The following SCNN1G variants were observed in gnomAD, a reference collection of about 807,000 sequenced individuals.
SCNN1G encodes the protein epithelial sodium channel subunit gamma.
In SCNN1G, 27 loss-of-function variants were observed where a neutral mutation model predicts 64.6. That is an observed-to-expected ratio of 0.42 (90% CI 0.31 to 0.58). The LOEUF (loss-of-function observed/expected upper bound fraction) is 0.58. Ranked by LOEUF, SCNN1G falls within the 20% of genes least tolerant of loss-of-function variation. SCNN1G has a pLI of 0.18. For missense variants in SCNN1G, 743 were observed against 823.4 expected (o/e 0.90, Z 1.19); for synonymous variants, 330 against 314.2 (o/e 1.05, Z -0.53).
At chr16:23,198,558 C>T (rs185339370) in intron 6 of SCNN1G, among the ~76,000 whole-genome samples, 17 of 152,036 alleles carry the variant, frequency 1.1e-4, no homozygotes, top group African/African-American at 3.9e-4. Context: ...TAGCAAAACC[C>T]CATCTCTACC....
In SCNN1G at chr16:23,197,312, T is replaced by C; in HGVS notation, c.962T>C (p.Leu321Pro). The C allele has an allele frequency of 6.2e-7, 1 of 1,613,966 alleles. No individual in the cohort carries two copies. Among genetic ancestry groups the C allele is most frequent in the Non-Finnish European group, 8.5e-7 (1 of 1,179,834 alleles). Residue 321 changes from leucine to proline, a missense_variant, in exon 6 of 13, where the codon CTC (leucine) becomes CCC (proline). Coordinates refer to ENST00000300061, the MANE Select transcript of SCNN1G (RefSeq NM_001039.4). ...YINEEEYNPF[L>P]VSSTGAKVII... Reference sequence around the variant, plus strand: ...AACGAAGAGGAATACAACCCATTCCTCGTGTCCTCCACTGGAGCTAAGGTG... The same window carrying C: ...AACGAAGAGGAATACAACCCATTCCCCGTGTCCTCCACTGGAGCTAAGGTG...
At chr16:23,208,430 G>C (rs1256441229) in intron 6 of SCNN1G, among the ~76,000 whole-genome samples, 2 of 152,002 alleles carry the variant, frequency 1.3e-5, no homozygotes, top group Non-Finnish European at 2.9e-5. Flanking sequence ...TCATGATCAG[G>C]GTAGCATTCT....
intron 5 of SCNN1G, among the ~76,000 whole-genome samples, chr16:23,194,641 G>A (rs1021365309): frequency 6.6e-6 from 1 of 152,170 alleles, no homozygotes; most frequent in Non-Finnish European, 1.5e-5. Context: ...GGAAGTAGAC[G>A]CACATTTATC....
chr16:23,193,771 G>A (rs1401059264), intron 4 of SCNN1G, among the ~76,000 whole-genome samples: 1 of 151,034 alleles, frequency 6.6e-6, no homozygotes. Flanking sequence ...GTCTCCCTAA[G>A]AGTTGGGTTC....
chr16:23,207,382 G>A (rs1960007618), intron 6 of SCNN1G, among the ~76,000 whole-genome samples: 1 of 152,208 alleles, frequency 6.6e-6, no homozygotes, highest in Non-Finnish European at 1.5e-5. Context: ...TTCTGCCCAG[G>A]GATCCTGCTG....
chr16:23,212,833 T>G lies in SCNN1G; in HGVS notation c.1374-4T>G. On this transcript the variant is annotated splice_polypyrimidine_tract_variant and splice_region_variant and intron_variant, in intron 9 of 12. Transcript: ENST00000300061. The stretch of plus-strand genomic sequence containing the variant: ...TACACTCATGCTGTCCCCTCCTCCC[T>G]TAGCTTTAAAGAGTGGACACTAACC... 1 of 1,614,156 alleles carries G rather than the reference T, an allele frequency of 6.2e-7. No individual in the cohort carries two copies. Among genetic ancestry groups the G allele is most frequent in the Non-Finnish European group, 8.5e-7 (1 of 1,179,978 alleles).
intron 6 of SCNN1G, among the ~76,000 whole-genome samples, chr16:23,207,119 T>C (rs936912302): frequency 2.6e-5 from 4 of 152,192 alleles, no homozygotes; most frequent in African/African-American, 7.2e-5. Context: ...TGAAGGGCCA[T>C]TGAGTACTCA....
rs537167253 is a variant in SCNN1G, at chr16:23,215,560, C to T, written c.*91C>T. On this transcript the variant is annotated 3_prime_UTR_variant, in exon 13 of 13. Transcript: ENST00000300061. ...CCCCCAGACGTGTGCACAGGGGACC[C>T]TCTGCCCCACTCTGGGCTTTTCAGA... 442 of 1,467,874 alleles carry T rather than the reference C, an allele frequency of 3.0e-4. 11 individuals carry two copies. The South Asian group carries it at 4.9e-3, about 16-fold the overall frequency. The allele number at this position is 1,467,874 out of a possible 1,614,324, so 90.9% of individuals were successfully genotyped here.
intron 4 of SCNN1G, among the ~76,000 whole-genome samples, 176 bp from the exon 5 acceptor site, chr16:23,193,995 G>A (rs970100260): frequency 6.6e-6 from 1 of 152,164 alleles, no homozygotes; most frequent in African/African-American, 2.4e-5. Context: ...GTCCATGTGT[G>A]TCAACCAGGA....
chr16:23,200,881 G>A (rs1959877515), intron 6 of SCNN1G, among the ~76,000 whole-genome samples: 1 of 152,154 alleles, frequency 6.6e-6, no homozygotes, highest in African/African-American at 2.4e-5. Context: ...GGGCTTCACT[G>A]CCTCATGGTG....
Position 23,183,384 on chromosome 16 carries a change from A to T in SCNN1G, c.-45+571A>T, listed in dbSNP as rs537988024. 6.6e-5 allele frequency among the ~76,000 whole-genome samples: 10 copies of T among 152,174 alleles called. No individual in the cohort carries two copies. The South Asian group carries it at 2.1e-3, about 32-fold the overall frequency. On this transcript the variant is annotated intron_variant, in intron 1 of 12. Transcript: ENST00000300061. ...AGGGCCCTGAGGTTGAGTTCAAGTG[A>T]TTTCTGCACAGGACTCGCCCTTCGG...
In SCNN1G at chr16:23,215,471, G is replaced by A; in HGVS notation, c.*2G>A. 6.8e-6 allele frequency: 11 copies of A among 1,607,080 alleles called. No homozygotes were observed. The highest frequency in any genetic ancestry group is 1.1e-5 in the South Asian group (1 of 91,086). ...ACCCAGATGCTGGATGAGCTCTGAG[G>A]CAGGGTTGAGAAGACAGATCTAGTC... On this transcript the variant is annotated 3_prime_UTR_variant, in exon 13 of 13. Transcript: ENST00000300061.
At chr16:23,188,838 T>C (rs1959656456) in intron 2 of SCNN1G, among the ~76,000 whole-genome samples, 1 of 152,028 alleles carries the variant, frequency 6.6e-6, no homozygotes, top group Admixed American at 6.6e-5. Flanking sequence ...AATTAAAAGA[T>C]GGTATATTGT....
chr16:23,205,507 G>A (rs1163049849), intron 6 of SCNN1G, among the ~76,000 whole-genome samples: 3 of 152,084 alleles, frequency 2.0e-5, no homozygotes, highest in African/African-American at 7.2e-5. Context: ...AGACCAGCCT[G>A]ACCAACATGG....
At chr16:23,187,142 T>C (rs1164517729) in intron 2 of SCNN1G, among the ~76,000 whole-genome samples, 1 of 137,656 alleles carries the variant, frequency 7.3e-6, no homozygotes, top group Non-Finnish European at 1.5e-5. Context: ...AGGGTCTCAC[T>C]CTGTCACCCA....
chr16:23,208,463 T>C (rs1326999163), intron 6 of SCNN1G, among the ~76,000 whole-genome samples: 1 of 152,132 alleles, frequency 6.6e-6, no homozygotes, highest in Non-Finnish European at 1.5e-5. Context: ...TTTCCTTAGC[T>C]TTTTTCTAAG....
At chr16:23,214,580 G>A (rs1960130042) in intron 11 of SCNN1G, 132 bp from the exon 12 acceptor site, 7 of 740,886 alleles carry the variant, frequency 9.4e-6, no homozygotes, top group Non-Finnish European at 1.7e-5. Flanking sequence ...TTATGGGCCA[G>A]GTTCTAATAT....
rs148776783 is a variant in SCNN1G at position 23,189,454 on chromosome 16, C to T, written c.401C>T (p.Ser134Phe). ...ALKSLYGFPE[S>F]RKRREAESWN... Reference sequence around the variant, plus strand: ...AAGTCCCTGTATGGCTTTCCAGAGTCCCGGAAGCGCCGAGAGGCGGAGTCC... The same window carrying T: ...AAGTCCCTGTATGGCTTTCCAGAGTTCCGGAAGCGCCGAGAGGCGGAGTCC... Residue 134 changes from serine (S) to phenylalanine (F), a missense_variant, in exon 3 of 13, where the codon TCC becomes TTC. Transcript: ENST00000300061. 1.3e-4 allele frequency: 217 copies of T among 1,614,160 alleles called. 1 individual carries two copies. The African/African-American group carries it at 2.4e-3, about 18-fold the overall frequency.
In SCNN1G at chr16:23,213,173, C is replaced by G. The variant is rs1227430896; in HGVS notation, c.1493+10C>G. 8.1e-6 allele frequency: 13 copies of G among 1,606,168 alleles called. No homozygotes were observed. ...ACAAAAAGCTCAACAAGTAAGTTAC[C>G]TCTACCCTGTTCCTCTGTCTCTTCC... On this transcript the variant is annotated intron_variant, in intron 11 of 12. Transcript: ENST00000300061.
Sources: gnomAD v4.1 joint callset for allele counts (sites outside exome capture counted in the v4.1 genomes callset) on GRCh38, gnomAD v4.1.1 for gene constraint, MANE v1.5 for transcripts, NCBI Gene and HGNC (gene_info 2026-07-23, HGNC 2026-07-21) for gene names.